The following SSPN variants were observed in gnomAD, a reference collection of about 807,000 sequenced individuals.
The protein encoded by SSPN is K-ras oncogene-associated protein.
Under a neutral mutation model 19.1 loss-of-function variants are expected in SSPN, and 15 were observed. That is an observed-to-expected ratio of 0.78 (90% CI 0.52 to 1.21). The LOEUF is 1.21. SSPN is among the 50% of genes most tolerant of loss of function. The pLI is 0.00. For missense variants in SSPN, 291 were observed against 314.0 expected (o/e 0.93, Z 0.55); for synonymous variants, 147 against 140.3 (o/e 1.05, Z -0.34).
At chr12:26,134,065 C>G (rs1328249111) in intron 1 of SSPN, among the ~76,000 whole-genome samples, 2 of 152,194 alleles carry the variant, frequency 1.3e-5, no homozygotes, top group Non-Finnish European at 2.9e-5. Flanking sequence ...AAGTTAAAAT[C>G]AAACTTGAAA....
At chr12:26,175,505 G>A (rs915256664) in intron 1 of SSPN, among the ~76,000 whole-genome samples, 3 of 151,910 alleles carry the variant, frequency 2.0e-5, no homozygotes, top group Non-Finnish European at 4.4e-5. Flanking sequence ...TCATTCTCTT[G>A]CCAGGTAGCT....
chr12:26,177,423 A>C (rs1944691233), intron 1 of SSPN, among the ~76,000 whole-genome samples: 1 of 152,156 alleles, frequency 6.6e-6, no homozygotes. Context: ...TGTAACCTTG[A>C]ACAGTCATGC....
intron 1 of SSPN, among the ~76,000 whole-genome samples, chr12:26,133,954 C>T (rs1224900263): frequency 6.6e-6 from 1 of 152,210 alleles, no homozygotes; most frequent in Non-Finnish European, 1.5e-5. Context: ...TTCTATCCCC[C>T]TCCACCACAC....
intron 1 of SSPN, among the ~76,000 whole-genome samples, chr12:26,166,638 A>T (rs920878194): frequency 6.6e-6 from 1 of 152,264 alleles, no homozygotes; most frequent in Non-Finnish European, 1.5e-5. Flanking sequence ...TGGAAACTAA[A>T]CAAATTCAAA....
In SSPN at chr12:26,230,999, C is replaced by T; in HGVS notation, c.655C>T (p.His219Tyr). The change falls in exon 3 of 3, where the codon CAT becomes TAT. Residue 219 changes from histidine to tyrosine, a missense_variant. Transcript: ENST00000242729. ...CLLACFVMWK[H>Y]RYQVFYVGVR... ...GTTGGCCTGCTTTGTGATGTGGAAA[C>T]ATAGGTACCAGGTCTTCTATGTGGG... The T allele has an allele frequency of 6.2e-7, 1 of 1,614,204 alleles. No individual in the cohort carries two copies. Among genetic ancestry groups the T allele is most frequent in the Non-Finnish European group, 8.5e-7 (1 of 1,180,046 alleles).
upstream of SSPN, among the ~76,000 whole-genome samples, chr12:26,190,408 C>T (rs903730521): frequency 6.6e-6 from 1 of 152,186 alleles, no homozygotes; most frequent in African/African-American, 2.4e-5. Context: ...ATGCATTAGC[C>T]GCCTGGGAAG....
rs1944876476 is a variant in SSPN at position 26,201,029 on chromosome 12, ATATATATATATATATATT to A, written c.279+5079_279+5096del. On this transcript the variant is annotated intron_variant, in intron 1 of 2. Transcript: ENST00000242729. ...AATTTGTGTATATATATATATATAT[ATATATATATATATATATT>A]ATATATATATATTTGGAAATAAAAT... Among the ~76,000 whole-genome samples the A allele has an allele frequency of 1.6e-4, 6 of 38,624 alleles. 1 individual carries two copies. The South Asian group carries it at 4.2e-3, about 27-fold the overall frequency. The allele number at this position is 38,624 out of a possible 152,430, so 25.3% of individuals were successfully genotyped here. A position where few individuals can be genotyped will look rare whatever the true frequency, so the allele number is the denominator to read the frequency against.
chr12:26,130,449 A>G (rs1944391227), intron 1 of SSPN, among the ~76,000 whole-genome samples: 2 of 152,224 alleles, frequency 1.3e-5, no homozygotes, highest in African/African-American at 4.8e-5. Flanking sequence ...TAAAAAAACA[A>G]CAACAGAAAA....
intron 1 of SSPN, chr12:26,124,538 A>G (rs1565665798): frequency 6.2e-7 from 1 of 1,614,156 alleles, no homozygotes; most frequent in Non-Finnish European, 8.5e-7. Flanking sequence ...GTCTCGTTTC[A>G]TGCTCCTTTT....
intron 1 of SSPN, among the ~76,000 whole-genome samples, chr12:26,134,026 A>G (rs1376869171): frequency 6.6e-6 from 1 of 152,180 alleles, no homozygotes. Flanking sequence ...CTCTTGATCA[A>G]AACTCTTTAA....
In SSPN at chr12:26,231,036, G is replaced by A. The variant is rs1565696584; in HGVS notation, c.692G>A (p.Cys231Tyr). ...YQVFYVGVRI[C>Y]SLTASEGPQQ... Reference sequence around the variant, plus strand: ...GTCTTCTATGTGGGTGTCAGGATATGCTCCCTCACGGCTTCCGAAGGCCCC... The same window carrying A: ...GTCTTCTATGTGGGTGTCAGGATATACTCCCTCACGGCTTCCGAAGGCCCC... Residue 231 changes from cysteine (C) to tyrosine (Y), a missense_variant, in exon 3 of 3, where the codon TGC becomes TAC. Cys to Tyr is a radical substitution (Grantham distance 194, BLOSUM62 -2). Coordinates refer to ENST00000242729, the MANE Select transcript of SSPN (RefSeq NM_005086.5). The A allele has an allele frequency of 1.2e-6, 2 of 1,614,162 alleles. No homozygotes were observed. The highest frequency in any genetic ancestry group is 8.5e-7 in the Non-Finnish European group (1 of 1,180,016).
intron 1 of SSPN, among the ~76,000 whole-genome samples, chr12:26,214,509 CAATT>C (rs1402273378): frequency 6.6e-6 from 1 of 152,184 alleles, no homozygotes; most frequent in Non-Finnish European, 1.5e-5. Flanking sequence ...AGGCTAAAAA[CAATT>C]AAACAGCTTT....
upstream of SSPN, among the ~76,000 whole-genome samples, chr12:26,192,340 A>G (rs917831654): frequency 2.6e-5 from 4 of 152,190 alleles, no homozygotes; most frequent in Non-Finnish European, 5.9e-5. Context: ...TTATTGCTTA[A>G]CCTATAAAAT....
intron 1 of SSPN, among the ~76,000 whole-genome samples, chr12:26,123,333 G>C (rs139492842): frequency 6.6e-6 from 1 of 152,152 alleles, no homozygotes; most frequent in African/African-American, 2.4e-5. Context: ...CGAGAGAAGC[G>C]GGGTGGCGGA....
At chr12:26,221,030 A>G (rs919419204) in intron 1 of SSPN, among the ~76,000 whole-genome samples, 1 of 152,204 alleles carries the variant, frequency 6.6e-6, no homozygotes, top group Non-Finnish European at 1.5e-5. Context: ...AAAGTCAGCC[A>G]TGCCCTTCTG....
intron 1 of SSPN, among the ~76,000 whole-genome samples, chr12:26,212,553 C>T (rs181515864): frequency 9.7e-4 from 148 of 152,050 alleles, no homozygotes; most frequent in African/African-American, 3.4e-3. Context: ...GGCTCTGTGT[C>T]GAAACCCAAA....
At chr12:26,211,127 A>G (rs1348945866) in intron 1 of SSPN, 1 of 152,164 alleles carries the variant, frequency 6.6e-6, no homozygotes, top group African/African-American at 2.4e-5. Flanking sequence ...TCAAAGGAAC[A>G]AGTCATGTCC....
rs1411339950 is a variant in SSPN at position 26,231,834 on chromosome 12, CT to C, written c.*759del. 4 of 648,756 alleles carry C rather than the reference CT, an allele frequency of 6.2e-6. No homozygotes were observed. The African/African-American group carries it at 7.9e-5, about 13-fold the overall frequency. The allele number at this position is 648,756 out of a possible 1,614,324, so 40.2% of individuals were successfully genotyped here. A position where few individuals can be genotyped will look rare whatever the true frequency, so the allele number is the denominator to read the frequency against. Reference sequence around the variant, plus strand: ...TTACATTATGCTTCTATTCTATCATCTAAAACAAATCATTAAAACTAATTTC... The same window carrying C: ...TTACATTATGCTTCTATTCTATCATCAAAACAAATCATTAAAACTAATTTC... On this transcript the variant is annotated 3_prime_UTR_variant, in exon 3 of 3. Transcript: ENST00000242729.
intron 1 of SSPN, among the ~76,000 whole-genome samples, chr12:26,198,171 G>C (rs1414959508): frequency 6.7e-6 from 1 of 148,808 alleles, no homozygotes; most frequent in African/African-American, 2.4e-5. Flanking sequence ...AGTTTTGGGG[G>C]GGGGTTTTTG....
Sources: gnomAD v4.1 joint callset for allele counts (sites outside exome capture counted in the v4.1 genomes callset) on GRCh38, gnomAD v4.1.1 for gene constraint, MANE v1.5 for transcripts, NCBI Gene and HGNC (gene_info 2026-07-23, HGNC 2026-07-21) for gene names.